The following RMDN2 variants were observed in gnomAD, a reference collection of about 807,000 sequenced individuals.
The protein encoded by RMDN2 is regulator of microtubule dynamics protein 2.
Under a neutral mutation model 52.8 loss-of-function variants are expected in RMDN2, and 61 were observed. The ratio of observed to expected loss-of-function variants is 1.16; its 90% CI spans 0.94 to 1.43. The LOEUF (loss-of-function observed/expected upper bound fraction) is 1.43. Ranked by LOEUF, RMDN2 falls within the 40% of genes most tolerant of loss-of-function variation. The probability of loss-of-function intolerance (pLI) is 0.00; values close to 1 mark genes in which losing one functional copy is unlikely to be tolerated. For missense variants in RMDN2, 592 were observed against 475.3 expected, an observed-to-expected ratio of 1.25 and a Z score of -2.28; for synonymous variants, 180 against 153.1, an observed-to-expected ratio of 1.18 and a Z score of -1.30.
chr2:38,017,178 CT>C lies in RMDN2; in HGVS notation c.1180-5del. 1 of 1,500,460 alleles carries C rather than the reference CT, an allele frequency of 6.7e-7. No homozygotes were observed. The highest frequency in any genetic ancestry group is 9.0e-7 in the Non-Finnish European group (1 of 1,114,196). The allele number at this position is 1,500,460 out of a possible 1,614,324, so 92.9% of individuals were successfully genotyped here. ...AAATTTCATTATGTATTTGTATTTT[CT>C]TTATAGGATAAAGAGGCACAGAAAG... On this transcript the variant is annotated splice_polypyrimidine_tract_variant and splice_region_variant and intron_variant, in intron 10 of 10. Transcript: ENST00000354545.
At chr2:38,022,081 T>C (rs757563326), downstream of RMDN2, among the ~76,000 whole-genome samples, 5 of 152,224 alleles carry the variant, frequency 3.3e-5, no homozygotes, top group Non-Finnish European at 7.4e-5. Flanking sequence ...AAAGAGTTGG[T>C]ACTTAAACAC....
intron 10 of RMDN2, among the ~76,000 whole-genome samples, chr2:38,062,386 TTGTG>T (rs933034539): frequency 3.9e-5 from 6 of 152,354 alleles, no homozygotes; most frequent in African/African-American, 1.4e-4. Context: ...ATTCAAGTTG[TTGTG>T]TGTATCAATG....
chr2:38,014,044 TA>T (rs894019312), intron 10 of RMDN2, among the ~76,000 whole-genome samples: 46 of 144,944 alleles, frequency 3.2e-4, no homozygotes, highest in East Asian at 1.6e-3. Context: ...CCATCTTTAC[TA>T]AAAAAAAAAA....
chr2:37,981,808 T>C (rs917947528), intron 5 of RMDN2, among the ~76,000 whole-genome samples: 1 of 152,094 alleles, frequency 6.6e-6, no homozygotes, highest in South Asian at 2.1e-4. Context: ...TAGATTGGTA[T>C]AGGTAAATAT....
intron 2 of RMDN2, among the ~76,000 whole-genome samples, chr2:37,933,265 A>G (rs1333003185): frequency 6.6e-6 from 1 of 151,164 alleles, no homozygotes; most frequent in Non-Finnish European, 1.5e-5. Flanking sequence ...GCGGCCGGGC[A>G]GAGACGCTCC....
intron 2 of RMDN2, among the ~76,000 whole-genome samples, chr2:37,933,553 C>A (rs917064900): frequency 5.3e-5 from 8 of 152,256 alleles, no homozygotes; most frequent in Admixed American, 1.3e-4. Flanking sequence ...GCGGATCGCT[C>A]GCGGTTAGGA....
In RMDN2 at chr2:37,965,802, G is replaced by C. The variant is rs548242520; in HGVS notation, c.453-8238G>C. On this transcript the variant is annotated intron_variant, in intron 2 of 10. Coordinates refer to ENST00000354545, the MANE Select transcript of RMDN2 (RefSeq NM_001170791.3). Reference sequence around the variant, plus strand: ...TAGCATTTATTGTAGGGAAATTCTAGTGATAGTGAACTTCCTCAGCTTTTA... The same window carrying C: ...TAGCATTTATTGTAGGGAAATTCTACTGATAGTGAACTTCCTCAGCTTTTA... Among the ~76,000 whole-genome samples the C allele has an allele frequency of 7.2e-5, 11 of 152,260 alleles. No homozygotes were observed. In the South Asian group the frequency reaches 1.7e-3, roughly 23 times the overall value.
chr2:38,037,761 T>C (rs1680681234), intron 10 of RMDN2, among the ~76,000 whole-genome samples: 1 of 152,222 alleles, frequency 6.6e-6, no homozygotes, highest in East Asian at 1.9e-4. Flanking sequence ...ACAAACTGCT[T>C]ATAAAGGATA....
intron 3 of RMDN2, chr2:37,974,766 T>G (rs1672249565): frequency 6.1e-6 from 1 of 163,518 alleles, no homozygotes; most frequent in Non-Finnish European, 1.3e-5. Context: ...TTGATAGCTC[T>G]CCAGGATTAT....
At chr2:38,037,897 T>A (rs1244379143) in intron 10 of RMDN2, among the ~76,000 whole-genome samples, 1 of 152,206 alleles carries the variant, frequency 6.6e-6, no homozygotes, top group Non-Finnish European at 1.5e-5. Context: ...AGCGACTGCG[T>A]GAGCTGAGTC....
intron 10 of RMDN2, among the ~76,000 whole-genome samples, chr2:38,064,898 A>G (rs1306618772): frequency 1.3e-5 from 2 of 152,174 alleles, no homozygotes; most frequent in East Asian, 1.9e-4. Context: ...TGCACAGCTG[A>G]TGGGAGTGTG....
At position 38,010,588 on chromosome 2, in the gene RMDN2, G is replaced by C. The variant is rs367764534; in HGVS notation, c.1179+6372G>C. Among the ~76,000 whole-genome samples, 12 of 152,254 alleles carry C rather than the reference G, an allele frequency of 7.9e-5. No homozygotes were observed. The South Asian group carries it at 2.5e-3, about 32-fold the overall frequency. Reference sequence around the variant, plus strand: ...CGCAGTATTAGGGTGGGAGTGACCCGATCTTCCAGGTGCCGTTTGTCACCC... The same window carrying C: ...CGCAGTATTAGGGTGGGAGTGACCCCATCTTCCAGGTGCCGTTTGTCACCC... On this transcript the variant is annotated intron_variant, in intron 10 of 10. Transcript: ENST00000354545.
rs541582806 is a variant in RMDN2, at chr2:37,943,909, C to T, written c.452+14180C>T. Among the ~76,000 whole-genome samples the T allele has an allele frequency of 3.9e-5, 6 of 152,082 alleles. No homozygotes were observed. The South Asian group carries it at 1.0e-3, about 26-fold the overall frequency. On this transcript the variant is annotated intron_variant, in intron 2 of 10. Coordinates refer to ENST00000354545, the MANE Select transcript of RMDN2 (RefSeq NM_001170791.3). ...CTTTGCTCTGCACGGTCACCTTGCC[C>T]CTCCCCCACCACCTAAGAAAAAACG... is the stretch of plus-strand genomic sequence containing the variant.
chr2:37,996,701 C>A (rs17490261), intron 7 of RMDN2, among the ~76,000 whole-genome samples: 1 of 151,470 alleles, frequency 6.6e-6, no homozygotes, highest in Non-Finnish European at 1.5e-5. Context: ...TCAACTGGGT[C>A]AATACCCTTT....
intron 10 of RMDN2, among the ~76,000 whole-genome samples, chr2:38,054,484 G>A (rs1430480901): frequency 2.0e-5 from 3 of 152,214 alleles, no homozygotes; most frequent in African/African-American, 4.8e-5. Flanking sequence ...CATAGGTGAT[G>A]CATTATGGAT....
At chr2:38,045,872 C>A (rs531530410) in intron 10 of RMDN2, among the ~76,000 whole-genome samples, 4 of 152,164 alleles carry the variant, frequency 2.6e-5, no homozygotes, top group Non-Finnish European at 4.4e-5. Flanking sequence ...TTATGGCCAA[C>A]AAGTGTTGCC....
At chr2:38,039,348 G>T (rs1680811429) in intron 10 of RMDN2, 1 of 152,116 alleles carries the variant, frequency 6.6e-6, no homozygotes. Flanking sequence ...ATCAGCCTCG[G>T]ATGGAAGCCA....
chr2:38,062,755 T>C lies in RMDN2; in HGVS notation c.1714-4227T>C, dbSNP rs139438783. 9.4e-3 allele frequency among the ~76,000 whole-genome samples: 1,393 copies of C among 148,948 alleles called. 14 individuals are homozygous for C. Among genetic ancestry groups the C allele is most frequent in the Middle Eastern group, 0.021 (6 of 282 alleles). ...TAGCATTAGGTATATCTCCAAATGC[T>C]ATCCCTCCCCCCTTCCCCCCCCCCA... On this transcript the variant is annotated intron_variant, in intron 10 of 10. Transcript: ENST00000234195.
intron 10 of RMDN2, among the ~76,000 whole-genome samples, chr2:38,015,928 G>A (rs1490357530): frequency 6.6e-6 from 1 of 152,198 alleles, no homozygotes; most frequent in Non-Finnish European, 1.5e-5. Flanking sequence ...CAAAGGTGTG[G>A]ATAGTTCAGA....
Sources: allele counts gnomAD v4.1 joint callset (sites outside exome capture counted in the v4.1 genomes callset), GRCh38; gene constraint gnomAD v4.1.1; transcripts MANE v1.5; gene names NCBI Gene and HGNC (gene_info 2026-07-23, HGNC 2026-07-21).